SCD5: variants seen among roughly 807,000 people sequenced by gnomAD.
SCD5 encodes the protein stearoyl-CoA desaturase 5, also known as acyl-CoA-desaturase 4.
A neutral mutation model predicts 30.4 loss-of-function variants in SCD5; 20 were observed. The ratio of observed to expected loss-of-function variants is 0.66; its 90% CI spans 0.46 to 0.96. SCD5 has a LOEUF of 0.96. Among genes scored for constraint, SCD5 ranks in the 40% least tolerant of loss-of-function variants. SCD5 has a pLI of 0.00. For missense variants in SCD5, 381 were observed against 443.3 expected (o/e 0.86, Z 1.26); for synonymous variants, 173 against 176.4 (o/e 0.98, Z 0.16).
At chr4:82,672,931 A>C (rs984132392) in intron 3 of SCD5, among the ~76,000 whole-genome samples, 1 of 152,128 alleles carries the variant, frequency 6.6e-6, no homozygotes, top group Non-Finnish European at 1.5e-5. Context: ...TTACAGGCTA[A>C]AGAAGAAAAA....
intron 3 of SCD5, among the ~76,000 whole-genome samples, chr4:82,639,806 C>A (rs1387791391): frequency 6.6e-6 from 1 of 152,232 alleles, no homozygotes; most frequent in African/African-American, 2.4e-5. Flanking sequence ...GCAACTCCAG[C>A]AGCTTCCTCT....
chr4:82,660,694 T>C (rs1727978752), intron 3 of SCD5: 1 of 1,429,554 alleles, frequency 7.0e-7, no homozygotes, highest in South Asian at 1.5e-5. Context: ...AGGACCATAT[T>C]TTACCTCCCC....
chr4:82,662,946 G>A (rs912460287), intron 3 of SCD5, among the ~76,000 whole-genome samples: 1 of 150,730 alleles, frequency 6.6e-6, no homozygotes, highest in African/African-American at 2.4e-5. Flanking sequence ...GAAATATTAA[G>A]CAACCATTAA....
Position 82,795,809 on chromosome 4 carries a change from C to CAAAAA in SCD5, c.232+2492_232+2496dup, listed in dbSNP as rs72115040. Among the ~76,000 whole-genome samples the CAAAAA allele has an allele frequency of 7.5e-4, 33 of 43,906 alleles. 4 individuals carry two copies. Among genetic ancestry groups the CAAAAA allele is most frequent in the African/African-American group, 1.9e-3 (22 of 11,424 alleles). 28.8% of individuals were successfully genotyped at this position (43,906 alleles called of 152,430 possible). ...TGCACTCCAGCAAGACCCTGTCTCACAAAAAAAAAAAAAAAAAAAAAAAAA... is the reference window on the plus strand; with the variant it reads ...TGCACTCCAGCAAGACCCTGTCTCACAAAAAAAAAAAAAAAAAAAAAAAAAAAAAA... On this transcript the variant is annotated intron_variant, in intron 1 of 4. Transcript: ENST00000319540.
At chr4:82,686,288 G>T (rs904846143) in intron 2 of SCD5, among the ~76,000 whole-genome samples, 1 of 152,148 alleles carries the variant, frequency 6.6e-6, no homozygotes, top group Non-Finnish European at 1.5e-5. Flanking sequence ...TTACAGGCAT[G>T]AGCCACTGCA....
At chr4:82,747,144 T>C (rs911093270) in intron 1 of SCD5, among the ~76,000 whole-genome samples, 2 of 151,176 alleles carry the variant, frequency 1.3e-5, no homozygotes, top group Non-Finnish European at 2.9e-5. Flanking sequence ...CCATCACTCC[T>C]GTCACACTCC....
At chr4:82,706,836 T>C (rs990899992) in intron 1 of SCD5, among the ~76,000 whole-genome samples, 1 of 152,232 alleles carries the variant, frequency 6.6e-6, no homozygotes, top group Non-Finnish European at 1.5e-5. Context: ...CAGTGTGTCC[T>C]AGTTACCAGA....
At chr4:82,726,417 CAA>C (rs398051208) in intron 1 of SCD5, among the ~76,000 whole-genome samples, 11 of 108,780 alleles carry the variant, frequency 1.0e-4, no homozygotes, top group African/African-American at 9.7e-5. Context: ...AACTCTGTCT[CAA>C]AAAAAAAAAA....
At chr4:82,724,512 ATTAAAC>A (rs1296980730) in intron 1 of SCD5, among the ~76,000 whole-genome samples, 2 of 152,228 alleles carry the variant, frequency 1.3e-5, no homozygotes, top group Admixed American at 1.3e-4. Flanking sequence ...TACCAAACTG[ATTAAAC>A]TTAAATACAT....
intron 2 of SCD5, among the ~76,000 whole-genome samples, chr4:82,681,257 G>C (rs1560532398): frequency 6.6e-6 from 1 of 152,102 alleles, no homozygotes; most frequent in Non-Finnish European, 1.5e-5. Context: ...AGAAAAAAGA[G>C]ATCTTTTTTG....
Position 82,716,292 on chromosome 4 carries a change from A to C in SCD5, c.233-10879T>G, listed in dbSNP as rs75308559. On this transcript the variant is annotated intron_variant, in intron 1 of 4. Coordinates refer to ENST00000319540, the MANE Select transcript of SCD5 (RefSeq NM_001037582.3). ...CACAGAAGGGAGGGAGCTCACAGGG[A>C]ATCTGGAACTGCCCCTCTGCCATTT... 7.0e-3 allele frequency among the ~76,000 whole-genome samples: 1,059 copies of C among 151,906 alleles called. 37 individuals carry two copies. The highest frequency in any genetic ancestry group is 0.024 in the African/African-American group (1,001 of 41,186).
At chr4:82,652,990 A>G (rs892413286) in intron 3 of SCD5, among the ~76,000 whole-genome samples, 1 of 152,094 alleles carries the variant, frequency 6.6e-6, no homozygotes, top group African/African-American at 2.4e-5. Flanking sequence ...TGTCTCTACT[A>G]AAAATACAAA....
In SCD5 at chr4:82,660,983, T is replaced by A. The variant is rs781226123; in HGVS notation, c.569+19724A>T. 1.9e-6 allele frequency: 3 copies of A among 1,614,076 alleles called. No individual in the cohort carries two copies. In the South Asian group the frequency reaches 3.3e-5, roughly 18 times the overall value. Reference sequence around the variant, plus strand: ...GCTAAAATGTGTAATCCGGGAAGGGTGACTTTCAATATATGCCCTTGATGC... The same window carrying A: ...GCTAAAATGTGTAATCCGGGAAGGGAGACTTTCAATATATGCCCTTGATGC... On this transcript the variant is annotated intron_variant, in intron 3 of 4. Coordinates refer to ENST00000319540, the MANE Select transcript of SCD5 (RefSeq NM_001037582.3).
chr4:82,735,863 G>A (rs79014172), intron 1 of SCD5, among the ~76,000 whole-genome samples: 4,647 of 152,262 alleles, frequency 0.031, 99 homozygotes, highest in Middle Eastern at 0.061. Context: ...CAATTAGCCC[G>A]TGGTTAAACT....
At chr4:82,650,585 A>G (rs1727731433) in intron 3 of SCD5, among the ~76,000 whole-genome samples, 1 of 152,148 alleles carries the variant, frequency 6.6e-6, no homozygotes, top group Non-Finnish European at 1.5e-5. Flanking sequence ...GGGCCCAGCT[A>G]TTCTGGAGGC....
At chr4:82,640,758 A>G (rs1288292310) in intron 3 of SCD5, among the ~76,000 whole-genome samples, 2 of 152,060 alleles carry the variant, frequency 1.3e-5, no homozygotes, top group Non-Finnish European at 2.9e-5. Context: ...CAGCTTCCTC[A>G]TCTAATAACA....
chr4:82,797,782 A>G (rs1310880352), intron 1 of SCD5, among the ~76,000 whole-genome samples: 1 of 151,914 alleles, frequency 6.6e-6, no homozygotes, highest in Non-Finnish European at 1.5e-5. Flanking sequence ...CGCGTAAACC[A>G]AGACTCTATC....
intron 1 of SCD5, among the ~76,000 whole-genome samples, chr4:82,716,507 T>C (rs1720231164): frequency 6.6e-6 from 1 of 151,866 alleles, no homozygotes; most frequent in African/African-American, 2.4e-5. Flanking sequence ...GATTCAACTG[T>C]GGGCTGAAAA....
chr4:82,660,416 C>A, intron 3 of SCD5: 1 of 826,510 alleles, frequency 1.2e-6, no homozygotes, highest in East Asian at 1.2e-4. Context: ...AGCTTAAACT[C>A]CTCTTAATCA....
Sources: gnomAD v4.1 joint callset for allele counts (sites outside exome capture counted in the v4.1 genomes callset) on GRCh38, gnomAD v4.1.1 for gene constraint, MANE v1.5 for transcripts, NCBI Gene and HGNC (gene_info 2026-07-23, HGNC 2026-07-21) for gene names.